The following SEC61A2 variants were observed in gnomAD, a reference collection of about 807,000 sequenced individuals.
SEC61A2 encodes SEC61 translocon subunit alpha 2, also known as protein transport protein Sec61 subunit alpha isoform 2.
SEC61A2 carries 28 observed loss-of-function variants against 59.9 expected under a neutral mutation model. The ratio of observed to expected loss-of-function variants is 0.47; its 90% CI spans 0.35 to 0.64. SEC61A2 has a LOEUF of 0.64. SEC61A2 is among the 30% of genes least tolerant of loss of function. The pLI, the probability that SEC61A2 is intolerant of heterozygous loss-of-function variation, is 0.01. For missense variants in SEC61A2, 340 were observed against 585.9 expected (o/e 0.58, Z 4.33); for synonymous variants, 202 against 214.4 (o/e 0.94, Z 0.50).
chr10:12,155,946 GACTGCA>G lies in SEC61A2; in HGVS notation c.616+22_616+27del, dbSNP rs1165984749. ...CACTGGCAGAGGTACATCGCACAGCGACTGCAACTGCACGCGTTTTGCTGGATGTGT... is the reference window on the plus strand; with the variant it reads ...CACTGGCAGAGGTACATCGCACAGCGACTGCACGCGTTTTGCTGGATGTGT... On this transcript the variant is annotated intron_variant, in intron 7 of 11. Coordinates refer to ENST00000298428, the MANE Select transcript of SEC61A2 (RefSeq NM_018144.4). The surrounding 1 kb of genome is among the most constrained non-coding windows in gnomAD (Gnocchi z 4.3). The G allele has an allele frequency of 1.2e-6, 2 of 1,613,962 alleles. No individual in the cohort carries two copies. Among genetic ancestry groups the G allele is most frequent in the African/African-American group, 2.7e-5 (2 of 75,038 alleles).
At chr10:12,166,838 C>T (rs1295045589), downstream of SEC61A2, 1 of 449,786 alleles carries the variant, frequency 2.2e-6, no homozygotes, top group East Asian at 7.1e-5. Context: ...GGGTTTCAGG[C>T]ATGGGAACCA....
downstream of SEC61A2, chr10:12,167,524 AAAGG>A: frequency 1.8e-6 from 1 of 568,046 alleles, no homozygotes; most frequent in Non-Finnish European, 3.0e-6. Flanking sequence ...TAACAAATTT[AAAGG>A]AAGGTCACAA....
chr10:12,161,383 G>A lies in SEC61A2; in HGVS notation c.1167+262G>A, dbSNP rs1665951744. ...TAACGCTTGAGTCCGGGAGGTGGAG[G>A]TTGCAGTGAGCCAAGATTGCACCAC... On this transcript the variant is annotated intron_variant, in intron 10 of 11. Coordinates refer to ENST00000298428, the MANE Select transcript of SEC61A2 (RefSeq NM_018144.4). The surrounding 1 kb of genome is among the most constrained non-coding windows in gnomAD (Gnocchi z 5.4). 6.6e-6 allele frequency among the ~76,000 whole-genome samples: 1 copy of A among 152,182 alleles called. No homozygotes were observed. The highest frequency in any genetic ancestry group is 6.5e-5 in the Admixed American group (1 of 15,276).
intron 6 of SEC61A2, among the ~76,000 whole-genome samples, chr10:12,150,375 C>G (rs1343849730): frequency 2.0e-5 from 3 of 152,206 alleles, no homozygotes; most frequent in Non-Finnish European, 4.4e-5. Context: ...TCAGCCTGTT[C>G]AGGTCATGCT....
chr10:12,164,256 T>C lies in SEC61A2; in HGVS notation c.1245-12T>C, dbSNP rs1350097702. ...TCTCTGCTGCCGCCTAACTTGGGGT[T>C]CTGTCTCCTAGGTACATCCCCACCG... On this transcript the variant is annotated splice_polypyrimidine_tract_variant and intron_variant, in intron 11 of 11. Transcript: ENST00000298428. This position sits in a 1 kb window ranked among gnomAD's most constrained non-coding sequence, Gnocchi z 7.3. 1 of 1,611,918 alleles carries C rather than the reference T, an allele frequency of 6.2e-7. No individual in the cohort carries two copies.
At chr10:12,132,888 A>G (rs185161484) in intron 1 of SEC61A2, among the ~76,000 whole-genome samples, 268 of 152,236 alleles carry the variant, frequency 1.8e-3, no homozygotes, top group African/African-American at 6.2e-3. Context: ...TATATGTAAA[A>G]TGATTGGATA....
intron 3 of SEC61A2, among the ~76,000 whole-genome samples, chr10:12,141,951 C>T (rs1386931484): frequency 6.6e-6 from 1 of 152,180 alleles, no homozygotes; most frequent in Non-Finnish European, 1.5e-5. Flanking sequence ...GGTGATTTTA[C>T]AGACAGAAGC....
chr10:12,169,792 G>A (rs1200839045), downstream of SEC61A2: 1 of 274,970 alleles, frequency 3.6e-6, no homozygotes, highest in Non-Finnish European at 6.8e-6. The surrounding 1 kb of genome is among the most constrained non-coding windows in gnomAD (Gnocchi z 4.8). Flanking sequence ...CTTATTCACT[G>A]AAACCGTAAG....
chr10:12,167,887 G>T, downstream of SEC61A2: 1 of 1,591,480 alleles, frequency 6.3e-7, no homozygotes, highest in Non-Finnish European at 8.5e-7. Context: ...CAGTGTTTGC[G>T]CAGCAGGTAC....
chr10:12,151,918 C>A (rs140008411), intron 6 of SEC61A2, among the ~76,000 whole-genome samples: 3,546 of 152,000 alleles, frequency 0.023, 78 homozygotes, highest in Non-Finnish European at 0.033. Flanking sequence ...GATTACAGAG[C>A]ATTCTGTTTT....
At chr10:12,132,468 G>A (rs983727743) in intron 1 of SEC61A2, among the ~76,000 whole-genome samples, 2 of 151,722 alleles carry the variant, frequency 1.3e-5, no homozygotes, top group Non-Finnish European at 2.9e-5. Flanking sequence ...AAAAAAATTA[G>A]CTGGGCTTGG....
rs988847164 is a variant in SEC61A2, at chr10:12,140,677, C to G, written c.142-2440C>G. Among the ~76,000 whole-genome samples the G allele has an allele frequency of 2.2e-4, 33 of 152,262 alleles. 1 individual carries two copies. The highest frequency in any genetic ancestry group is 7.5e-4 in the African/African-American group (31 of 41,546). ...GTGGCATGATCTCAGCTCACTGCAA[C>G]CTCCGCCTCCCGGATTCAAGCGATT... On this transcript the variant is annotated intron_variant, in intron 3 of 11. Transcript: ENST00000298428.
rs565202435 is a variant in SEC61A2 at position 12,156,042 on chromosome 10, G to A, written c.616+111G>A. On this transcript the variant is annotated intron_variant, in intron 7 of 11. Coordinates refer to ENST00000298428, the MANE Select transcript of SEC61A2 (RefSeq NM_018144.4). This position sits in a 1 kb window ranked among gnomAD's most constrained non-coding sequence, Gnocchi z 5.2. ...GCCGTTCTGGTTTGCTCTCCTAGGG[G>A]ATAAGGAATGCGAATTCTTCAAAAC... is the stretch of plus-strand genomic sequence containing the variant. 11 of 1,069,528 alleles carry A rather than the reference G, an allele frequency of 1.0e-5. No homozygotes were observed. The South Asian group carries it at 1.2e-4, about 12-fold the overall frequency. The allele number at this position is 1,069,528 out of a possible 1,614,324, so 66.3% of individuals were successfully genotyped here.
chr10:12,156,186 G>T lies in SEC61A2; in HGVS notation c.616+255G>T, dbSNP rs1463852768. Among the ~76,000 whole-genome samples, 1 of 152,192 alleles carries T rather than the reference G, an allele frequency of 6.6e-6. No homozygotes were observed. The highest frequency in any genetic ancestry group is 1.5e-5 in the Non-Finnish European group (1 of 68,026). ...CAAACAGATTTTCAAAATTTCTTTT[G>T]TTAACCTTGCTTAAGGCATTGCTGC... On this transcript the variant is annotated intron_variant, in intron 7 of 11. Coordinates refer to ENST00000298428, the MANE Select transcript of SEC61A2 (RefSeq NM_018144.4). The surrounding 1 kb of genome is among the most constrained non-coding windows in gnomAD (Gnocchi z 5.2).
Position 12,129,835 on chromosome 10 carries a change from G to T in SEC61A2, c.7+41G>T. On this transcript the variant is annotated intron_variant, in intron 1 of 11. Transcript: ENST00000298428. The surrounding 1 kb of genome is among the most constrained non-coding windows in gnomAD (Gnocchi z 5.6). ...TGGAGCGGGGACTCTGGCTGGGAACGCAGGCCCCGCCTGGGCTGCGGGCGG... is the reference window on the plus strand; with the variant it reads ...TGGAGCGGGGACTCTGGCTGGGAACTCAGGCCCCGCCTGGGCTGCGGGCGG... 7.3e-7 allele frequency: 1 copy of T among 1,361,328 alleles called. No individual in the cohort carries two copies. Among genetic ancestry groups the T allele is most frequent in the African/African-American group, 1.5e-5 (1 of 66,246 alleles). 84.3% of individuals were successfully genotyped at this position (1,361,328 alleles called of 1,614,324 possible).
intron 8 of SEC61A2, among the ~76,000 whole-genome samples, chr10:12,157,588 C>T (rs1416775672): frequency 6.6e-6 from 1 of 151,536 alleles, no homozygotes; most frequent in Non-Finnish European, 1.5e-5. Context: ...CTGCAACCTC[C>T]GCCTCCTGGG....
chr10:12,169,798 G>GT (rs1834812077), downstream of SEC61A2: 2 of 280,794 alleles, frequency 7.1e-6, no homozygotes, highest in Non-Finnish European at 1.3e-5. This position sits in a 1 kb window ranked among gnomAD's most constrained non-coding sequence, Gnocchi z 4.8. Flanking sequence ...CACTGAAACC[G>GT]TAAGCTGCTG....
rs533730748 is a variant in SEC61A2, at chr10:12,153,317, G to C, written c.463-2461G>C. Among the ~76,000 whole-genome samples, 24 of 152,132 alleles carry C rather than the reference G, an allele frequency of 1.6e-4. No homozygotes were observed. The highest frequency in any genetic ancestry group is 3.2e-4 in the Non-Finnish European group (22 of 68,028). ...TACAGCATTTTCTTTCTGCAATCCA[G>C]AGTTTAGAATAATCTTGATTTTTAG... On this transcript the variant is annotated intron_variant, in intron 6 of 11. Coordinates refer to ENST00000298428, the MANE Select transcript of SEC61A2 (RefSeq NM_018144.4). The surrounding 1 kb of genome is among the most constrained non-coding windows in gnomAD (Gnocchi z 5.2).
chr10:12,167,781 T>C (rs775590409), downstream of SEC61A2: 1 of 1,614,172 alleles, frequency 6.2e-7, no homozygotes, highest in Admixed American at 1.7e-5. Flanking sequence ...GACCCTGGCG[T>C]CCACTGTGAG....
Sources: allele counts gnomAD v4.1 joint callset (sites outside exome capture counted in the v4.1 genomes callset), GRCh38; gene constraint gnomAD v4.1.1; non-coding constraint Gnocchi (gnomAD v3.1); transcripts MANE v1.5; gene names NCBI Gene and HGNC (gene_info 2026-07-23, HGNC 2026-07-21).